The following RGS5 variants were observed in gnomAD, a reference collection of about 807,000 sequenced individuals.
RGS5 encodes regulator of G-protein signalling 5.
In RGS5, 20 loss-of-function variants were observed where a neutral mutation model predicts 18.9. That is an observed-to-expected ratio of 1.06 (90% confidence interval 0.74 to 1.54). The LOEUF (loss-of-function observed/expected upper bound fraction) is 1.54. Among genes scored for constraint, RGS5 ranks in the 40% most tolerant of loss-of-function variants. The pLI is 0.00. For missense variants in RGS5, 201 were observed against 211.8 expected, an observed-to-expected ratio of 0.95 and a Z score of 0.32; for synonymous variants, 57 against 76.2, an observed-to-expected ratio of 0.75 and a Z score of 1.31.
intron 1 of RGS5, among the ~76,000 whole-genome samples, chr1:163,189,038 C>T (rs10753607): frequency 0.45 from 68,233 of 151,282 alleles, 16,201 homozygotes; most frequent in East Asian, 0.72. Flanking sequence ...CACATAAATG[C>T]CATGTAGAAC....
chr1:163,288,402 T>C (rs1649199204), intron 2 of RGS5, among the ~76,000 whole-genome samples: 1 of 152,190 alleles, frequency 6.6e-6, no homozygotes, highest in Admixed American at 6.5e-5. Context: ...TGCAACGTGT[T>C]GTGCAGCACA....
chr1:163,148,801 T>C (rs1657258900), intron 4 of RGS5, among the ~76,000 whole-genome samples: 4 of 152,358 alleles, frequency 2.6e-5, no homozygotes, highest in Admixed American at 2.0e-4. Context: ...GGAATCTTTA[T>C]ACTCCATGTT....
chr1:163,278,918 T>C (rs1648925649), intron 2 of RGS5, among the ~76,000 whole-genome samples: 1 of 151,964 alleles, frequency 6.6e-6, no homozygotes, highest in Non-Finnish European at 1.5e-5. Flanking sequence ...CCAGATAAAA[T>C]AAACTTCAGG....
At chr1:163,310,903 A>G (rs1184757201) in intron 1 of RGS5, among the ~76,000 whole-genome samples, 3 of 152,184 alleles carry the variant, frequency 2.0e-5, no homozygotes, top group Non-Finnish European at 4.4e-5. Context: ...CACCTTCTTC[A>G]CAAGGCAGCA....
At chr1:163,186,834 G>A (rs550696236) in intron 1 of RGS5, among the ~76,000 whole-genome samples, 1 of 152,068 alleles carries the variant, frequency 6.6e-6, no homozygotes, top group African/African-American at 2.4e-5. Context: ...CTCAGTCTGT[G>A]ATTCTAAGCT....
chr1:163,265,959 C>T (rs540460570), intron 2 of RGS5, among the ~76,000 whole-genome samples: 1 of 152,180 alleles, frequency 6.6e-6, no homozygotes, highest in Non-Finnish European at 1.5e-5. Flanking sequence ...AATAAATATA[C>T]CTGTGCAGAT....
chr1:163,262,445 A>G (rs577342701), intron 2 of RGS5, among the ~76,000 whole-genome samples: 1 of 70,342 alleles, frequency 1.4e-5, no homozygotes, highest in South Asian at 5.3e-4. Context: ...ACTGAGAATG[A>G]TGGTTTCCAA....
chr1:163,261,409 G>A (rs1220085266), intron 2 of RGS5, among the ~76,000 whole-genome samples: 1 of 152,108 alleles, frequency 6.6e-6, no homozygotes, highest in African/African-American at 2.4e-5. Context: ...TGCATACATA[G>A]TCTAAGCATC....
At chr1:163,152,832 T>A in intron 3 of RGS5, 116 bp from the exon 4 acceptor site, 2 of 881,520 alleles carry the variant, frequency 2.3e-6, no homozygotes, top group Non-Finnish European at 3.3e-6. Flanking sequence ...AAGTTTTAGC[T>A]CATTCATGTC....
At chr1:163,305,035 C>T (rs1027932227) in intron 2 of RGS5, 1 of 152,202 alleles carries the variant, frequency 6.6e-6, no homozygotes, top group Non-Finnish European at 1.5e-5. Flanking sequence ...GACCATATAA[C>T]TTTCTGGTTA....
intron 1 of RGS5, among the ~76,000 whole-genome samples, chr1:163,185,430 C>T (rs1659028310): frequency 6.6e-6 from 1 of 152,192 alleles, no homozygotes; most frequent in Non-Finnish European, 1.5e-5. Context: ...ATGAATTCAT[C>T]ATCTGCTACA....
At chr1:163,301,458 G>A (rs1194816411) in intron 2 of RGS5, among the ~76,000 whole-genome samples, 2 of 152,194 alleles carry the variant, frequency 1.3e-5, no homozygotes, top group Non-Finnish European at 1.5e-5. Context: ...TCAGCTTCCT[G>A]AGTATCTGGA....
intron 1 of RGS5, among the ~76,000 whole-genome samples, chr1:163,309,000 T>A (rs555595167): frequency 6.6e-6 from 1 of 152,246 alleles, no homozygotes; most frequent in East Asian, 1.9e-4. Context: ...TGAGTCATCA[T>A]CTTTTTGCTT....
At chr1:163,216,233 G>T (rs554444648) in intron 1 of RGS5, among the ~76,000 whole-genome samples, 2 of 152,308 alleles carry the variant, frequency 1.3e-5, no homozygotes, top group Admixed American at 6.5e-5. Context: ...ATCGAAGGCT[G>T]CCAAGTGCAC....
intron 2 of RGS5, among the ~76,000 whole-genome samples, chr1:163,282,375 T>C (rs1649016390): frequency 6.6e-6 from 1 of 152,016 alleles, no homozygotes; most frequent in South Asian, 2.1e-4. Context: ...AAAACCACAA[T>C]GAGATATCAT....
At chr1:163,260,954 A>G (rs1467608288) in intron 2 of RGS5, among the ~76,000 whole-genome samples, 1 of 152,250 alleles carries the variant, frequency 6.6e-6, no homozygotes, top group Non-Finnish European at 1.5e-5. Flanking sequence ...GAAAGAATGC[A>G]TAAGACATTT....
Position 163,146,600 on chromosome 1 carries a change from T to A in RGS5, c.*742A>T, listed in dbSNP as rs957488544. Reference sequence around the variant, plus strand: ...CAGCATAAATACATTTATAAAATACTTCATTGTTGATCTTAGGTCATTGAT... The same window carrying A: ...CAGCATAAATACATTTATAAAATACATCATTGTTGATCTTAGGTCATTGAT... On this transcript the variant is annotated 3_prime_UTR_variant, in exon 5 of 5. Transcript: ENST00000313961. 6.6e-6 allele frequency: 1 copy of A among 152,194 alleles called. No homozygotes were observed. Among genetic ancestry groups the A allele is most frequent in the African/African-American group, 2.4e-5 (1 of 41,454 alleles). 9.4% of individuals were successfully genotyped at this position (152,194 alleles called of 1,614,324 possible). A position where few individuals can be genotyped will look rare whatever the true frequency, so the allele number is the denominator to read the frequency against.
upstream of RGS5, chr1:163,203,061 G>C (rs1659843931): frequency 1.4e-5 from 7 of 517,774 alleles, no homozygotes; most frequent in South Asian, 1.7e-4. Context: ...TCCTTTCTCT[G>C]CTACAGGCAC....
chr1:163,217,221 C>T (rs1166041413), intron 1 of RGS5, among the ~76,000 whole-genome samples: 2 of 152,112 alleles, frequency 1.3e-5, no homozygotes, highest in Admixed American at 1.3e-4. Flanking sequence ...GCACATGTAT[C>T]CTTGAATCTA....
Sources: gnomAD v4.1 joint callset for allele counts (sites outside exome capture counted in the v4.1 genomes callset) on GRCh38, gnomAD v4.1.1 for gene constraint, MANE v1.5 for transcripts, NCBI Gene and HGNC (gene_info 2026-07-23, HGNC 2026-07-21) for gene names.